Variants in ZFAT observed in about 807,000 individuals in gnomAD.
ZFAT encodes zinc finger protein ZFAT.
In ZFAT, 64 loss-of-function variants were observed where a neutral mutation model predicts 117.7. The observed-to-expected ratio is 0.54, with a 90% CI of 0.44 to 0.67. The LOEUF (loss-of-function observed/expected upper bound fraction) is 0.67, where lower values mean the gene tolerates loss of function less well. Among genes scored for constraint, ZFAT ranks in the 30% least tolerant of loss-of-function variants. ZFAT has a pLI of 0.00. For synonymous variants in ZFAT, 679 were observed against 615.0 expected (o/e 1.10, Z -1.54); for missense variants, 1,433 against 1,584.5 (o/e 0.90, Z 1.62).
intron 15 of ZFAT, among the ~76,000 whole-genome samples, chr8:134,492,715 C>G (rs1352067456): frequency 6.6e-6 from 1 of 152,074 alleles, no homozygotes; most frequent in Non-Finnish European, 1.5e-5. Flanking sequence ...AAGTCAGAAA[C>G]AAAGGGAAAC....
At chr8:134,544,554 C>G (rs1822548949) in intron 11 of ZFAT, among the ~76,000 whole-genome samples, 2 of 151,586 alleles carry the variant, frequency 1.3e-5, no homozygotes, top group Non-Finnish European at 2.9e-5. Context: ...CCAAAAATGA[C>G]CCACACTTAA....
the ZFAT span, among the ~76,000 whole-genome samples, chr8:134,790,459 C>T: frequency 3.6e-3 from 550 of 152,194 alleles, 7 homozygotes; most frequent in African/African-American, 0.013. Flanking sequence ...TTCATTATAA[C>T]GTAGCCGTTA....
intron 3 of ZFAT, among the ~76,000 whole-genome samples, chr8:134,635,060 G>C (rs1830122493): frequency 6.6e-6 from 1 of 152,236 alleles, no homozygotes; most frequent in South Asian, 2.1e-4. Flanking sequence ...TCAGGAGGCA[G>C]AGCTCAGGTG....
intron 3 of ZFAT, among the ~76,000 whole-genome samples, chr8:134,623,985 G>T (rs937974873): frequency 6.6e-6 from 1 of 152,022 alleles, no homozygotes; most frequent in Admixed American, 6.6e-5. Context: ...AGTCATTTCT[G>T]CCCAGCCCAC....
At chr8:134,679,904 C>G (rs557701173) in intron 1 of ZFAT, among the ~76,000 whole-genome samples, 2 of 127,442 alleles carry the variant, frequency 1.6e-5, no homozygotes, top group South Asian at 4.9e-4. Context: ...CACATGGACA[C>G]AGGGAAGGGA....
At chr8:134,562,228 AT>A (rs907866112) in intron 11 of ZFAT, among the ~76,000 whole-genome samples, 51 of 151,980 alleles carry the variant, frequency 3.4e-4, no homozygotes, top group Admixed American at 7.2e-4. Context: ...AAGGAAGTGA[AT>A]TTTTTTTCCC....
At chr8:134,730,445 G>T in the ZFAT span, among the ~76,000 whole-genome samples, 2 of 152,190 alleles carry the variant, frequency 1.3e-5, no homozygotes, top group Non-Finnish European at 2.9e-5. Flanking sequence ...AGATGAATTT[G>T]TCACAAGAGA....
the ZFAT span, among the ~76,000 whole-genome samples, chr8:134,761,616 C>T: frequency 6.6e-6 from 1 of 151,968 alleles, no homozygotes; most frequent in African/African-American, 2.4e-5. Context: ...AGGAGAATCG[C>T]TTGAACCTGG....
At chr8:134,490,912 C>T (rs1438853476) in intron 15 of ZFAT, among the ~76,000 whole-genome samples, 1 of 152,138 alleles carries the variant, frequency 6.6e-6, no homozygotes, top group Non-Finnish European at 1.5e-5. Flanking sequence ...GCTGTCCTCC[C>T]CCTGCCTAGA....
At chr8:134,770,351 T>C in the ZFAT span, among the ~76,000 whole-genome samples, 1 of 152,242 alleles carries the variant, frequency 6.6e-6, no homozygotes, top group Non-Finnish European at 1.5e-5. Context: ...TGGACATTTA[T>C]TAGTTCCTTA....
chr8:134,500,323 C>T (rs904243327), intron 15 of ZFAT, among the ~76,000 whole-genome samples: 1 of 152,184 alleles, frequency 6.6e-6, no homozygotes, highest in African/African-American at 2.4e-5. Context: ...CCAACCAAGG[C>T]TGTAGCTTCT....
At chr8:134,761,982 A>ATGTGTG in the ZFAT span, among the ~76,000 whole-genome samples, 1,703 of 147,138 alleles carry the variant, frequency 0.012, 15 homozygotes, top group African/African-American at 0.016. Flanking sequence ...TTCTCTCTGT[A>ATGTGTG]TGTGTGTGTG....
chr8:134,533,827 T>G (rs1003450905), intron 11 of ZFAT, among the ~76,000 whole-genome samples: 4 of 152,210 alleles, frequency 2.6e-5, no homozygotes, highest in African/African-American at 9.6e-5. Context: ...GGAAGCTCAG[T>G]GAGACCTGGC....
the ZFAT span, among the ~76,000 whole-genome samples, chr8:134,741,268 A>C: frequency 5.3e-5 from 8 of 151,718 alleles, no homozygotes; most frequent in African/African-American, 1.9e-4. Context: ...ATATTGGCTC[A>C]CGTTGACCTC....
chr8:134,588,984 T>C (rs1284876978), intron 8 of ZFAT, among the ~76,000 whole-genome samples: 1 of 152,228 alleles, frequency 6.6e-6, no homozygotes, highest in African/African-American at 2.4e-5. Context: ...GTCTGGAATA[T>C]ACTTTAAAAT....
the ZFAT span, among the ~76,000 whole-genome samples, chr8:134,770,185 G>A: frequency 6.6e-6 from 1 of 152,010 alleles, no homozygotes; most frequent in East Asian, 1.9e-4. Flanking sequence ...TCAGAAAATG[G>A]GATTTTCTTT....
intron 2 of ZFAT, among the ~76,000 whole-genome samples, chr8:134,650,753 T>A (rs1396458608): frequency 1.3e-5 from 2 of 152,238 alleles, no homozygotes; most frequent in Non-Finnish European, 2.9e-5. Flanking sequence ...ATTAAACTCA[T>A]ACATTTGTAC....
intron 1 of ZFAT, among the ~76,000 whole-genome samples, chr8:134,682,969 C>T (rs943463408): frequency 6.6e-6 from 1 of 152,224 alleles, no homozygotes; most frequent in Non-Finnish European, 1.5e-5. Context: ...AGCTGGGTTG[C>T]TGCTAGCCCT....
intron 1 of ZFAT, among the ~76,000 whole-genome samples, chr8:134,672,722 A>T (rs1832620220): frequency 6.6e-6 from 1 of 152,228 alleles, no homozygotes; most frequent in African/African-American, 2.4e-5. Context: ...GAAATGGCAC[A>T]ACATTTTTCA....
Sources: gnomAD v4.1 joint callset for allele counts (sites outside exome capture counted in the v4.1 genomes callset) on GRCh38, gnomAD v4.1.1 for gene constraint, MANE v1.5 for transcripts, NCBI Gene and HGNC (gene_info 2026-07-23, HGNC 2026-07-21) for gene names.